DIP2C: variants seen among roughly 807,000 people sequenced by gnomAD.
The protein encoded by DIP2C is disco-interacting protein 2 homolog C.
In DIP2C, 33 loss-of-function variants were observed where a neutral mutation model predicts 192.4. That is an observed-to-expected ratio of 0.17 (90% CI 0.13 to 0.23). The LOEUF (loss-of-function observed/expected upper bound fraction) is 0.23, where lower values mean the gene tolerates loss of function less well. Ranked by LOEUF, DIP2C falls within the 10% of genes least tolerant of loss-of-function variation. The pLI is 1.00. For synonymous variants in DIP2C, 979 were observed against 864.1 expected (o/e 1.13, Z -2.33); for missense variants, 1,537 against 2,110.1 (o/e 0.73, Z 5.32).
intron 26 of DIP2C, 24 bp from the exon 27 acceptor site, chr10:345,134 A>G: frequency 1.3e-6 from 2 of 1,598,500 alleles, no homozygotes; most frequent in Non-Finnish European, 1.7e-6. Flanking sequence ...GCGAGAATGG[A>G]GCCATGAACG....
chr10:471,247 G>A (rs997745189), intron 3 of DIP2C, among the ~76,000 whole-genome samples: 2 of 152,188 alleles, frequency 1.3e-5, no homozygotes, highest in African/African-American at 2.4e-5. Flanking sequence ...CTTTTGCATG[G>A]GTGACACTCT....
chr10:281,424 A>C (rs1207195746), intron 35 of DIP2C, 101 bp from the exon 36 acceptor site: 1 of 1,448,256 alleles, frequency 6.9e-7, no homozygotes, highest in Non-Finnish European at 9.1e-7. Flanking sequence ...CAAGTGAGAC[A>C]GGGATGCAAA....
At chr10:349,141 A>T (rs1038460796) in intron 25 of DIP2C, among the ~76,000 whole-genome samples, 190 bp downstream of exon 25, 4 of 152,276 alleles carry the variant, frequency 2.6e-5, no homozygotes, top group Admixed American at 6.5e-5. Flanking sequence ...TCACAGTAGC[A>T]CATGCGGCTG....
At chr10:500,479 C>T (rs980538204) in intron 1 of DIP2C, among the ~76,000 whole-genome samples, 4 of 152,252 alleles carry the variant, frequency 2.6e-5, no homozygotes, top group African/African-American at 9.6e-5. Context: ...CTAGGTTTTA[C>T]ACGAGAATTT....
Position 678,677 on chromosome 10 carries a change from A to G in DIP2C, c.85+10817T>C, listed in dbSNP as rs544331418. 1.1e-3 allele frequency among the ~76,000 whole-genome samples: 7 copies of G among 6,534 alleles called. 1 individual carries two copies. The highest frequency in any genetic ancestry group is 3.5e-3 in the Admixed American group (1 of 288). 4.3% of individuals were successfully genotyped at this position (6,534 alleles called of 152,430 possible). A position where few individuals can be genotyped will look rare whatever the true frequency, so the allele number is the denominator to read the frequency against. On this transcript the variant is annotated intron_variant, in intron 1 of 36. Transcript: ENST00000280886. ...CTGTCCTCCCTGTGCCCAGCTCCCC[A>G]CGCCCATGCTCCCCACACCCGTTCT...
intron 2 of DIP2C, 92 bp downstream of exon 2, chr10:486,367 G>A: frequency 1.6e-6 from 2 of 1,269,702 alleles, no homozygotes; most frequent in Non-Finnish European, 2.2e-6. Context: ...TGCCGACTGG[G>A]AAGCAAGGGA....
chr10:606,467 A>G (rs1852486042), intron 1 of DIP2C, among the ~76,000 whole-genome samples: 2 of 151,422 alleles, frequency 1.3e-5, no homozygotes, highest in South Asian at 2.1e-4. Context: ...CGCTGCGGTA[A>G]TTACCTGCTG....
intron 1 of DIP2C, among the ~76,000 whole-genome samples, chr10:536,457 ATC>A (rs1318252338): frequency 6.6e-6 from 1 of 151,744 alleles, no homozygotes; most frequent in Non-Finnish European, 1.5e-5. Flanking sequence ...CTAGAGTTGT[ATC>A]TATCTGCAAA....
chr10:278,962 T>C (rs1470055210), intron 36 of DIP2C, among the ~76,000 whole-genome samples: 1 of 152,158 alleles, frequency 6.6e-6, no homozygotes, highest in East Asian at 1.9e-4. Context: ...ACATGTTCTA[T>C]CCCAGCTTGA....
intron 29 of DIP2C, chr10:340,987 T>C (rs144090483): frequency 2.9e-4 from 204 of 697,464 alleles, no homozygotes; most frequent in African/African-American, 2.8e-3. Context: ...AAATGCTCCT[T>C]CCCTGCTGCA....
At chr10:616,032 T>C (rs1853450531) in intron 1 of DIP2C, among the ~76,000 whole-genome samples, 1 of 152,176 alleles carries the variant, frequency 6.6e-6, no homozygotes, top group Non-Finnish European at 1.5e-5. Context: ...TTTTGTTTTA[T>C]CCTGAAGACG....
chr10:600,577 G>GGATGCTCCGGAGCC (rs1852003046), intron 1 of DIP2C, among the ~76,000 whole-genome samples: 2 of 140,502 alleles, frequency 1.4e-5, no homozygotes, highest in Admixed American at 1.4e-4. Flanking sequence ...GCTCCCGTGC[G>GGATGCTCCGGAGCC]ACCCCACAGC....
At chr10:431,449 T>C (rs1358426560) in intron 4 of DIP2C, among the ~76,000 whole-genome samples, 4 of 152,290 alleles carry the variant, frequency 2.6e-5, no homozygotes, top group Non-Finnish European at 5.9e-5. Context: ...GGAAATTTTT[T>C]TTTAAATTAT....
chr10:352,154 T>C (rs1958843880), intron 24 of DIP2C, among the ~76,000 whole-genome samples: 1 of 152,256 alleles, frequency 6.6e-6, no homozygotes, highest in Non-Finnish European at 1.5e-5. Context: ...TGAAGCTGAT[T>C]TCCTATCAAA....
At chr10:390,946 C>T in intron 10 of DIP2C, 83 bp from the exon 11 acceptor site, 6 of 1,560,732 alleles carry the variant, frequency 3.8e-6, no homozygotes, top group Non-Finnish European at 5.2e-6. Context: ...AGCGTTCACA[C>T]AGACCCTCGA....
chr10:375,655 AT>A lies in DIP2C; in HGVS notation c.1992-6023del, dbSNP rs1226235646. ...ATAACACCTTGAAGTAGCAGCTCCT[AT>A]AAATTTCATGAACACATCTGCAGTT... On this transcript the variant is annotated intron_variant, in intron 17 of 36. Coordinates refer to ENST00000280886, the MANE Select transcript of DIP2C (RefSeq NM_014974.3). 1.8e-4 allele frequency among the ~76,000 whole-genome samples: 28 copies of A among 152,282 alleles called. No individual in the cohort carries two copies. The South Asian group carries it at 5.8e-3, about 32-fold the overall frequency.
intron 17 of DIP2C, among the ~76,000 whole-genome samples, chr10:370,253 G>A (rs1022694657): frequency 2.0e-5 from 3 of 152,222 alleles, no homozygotes; most frequent in Non-Finnish European, 2.9e-5. Context: ...AGGAGAAGAC[G>A]GGTCCGCATA....
chr10:311,721 CAA>C (rs539684921), intron 31 of DIP2C, among the ~76,000 whole-genome samples: 121 of 152,114 alleles, frequency 8.0e-4, no homozygotes, highest in African/African-American at 2.9e-3. Context: ...AAGCAGGAAA[CAA>C]AATGAAAAGA....
chr10:563,156 G>T (rs1435416394), intron 1 of DIP2C, among the ~76,000 whole-genome samples: 1 of 152,192 alleles, frequency 6.6e-6, no homozygotes, highest in Non-Finnish European at 1.5e-5. Context: ...ATCCCCCTCA[G>T]GGCTAGTGGG....
Sources: gnomAD v4.1 joint callset for allele counts (sites outside exome capture counted in the v4.1 genomes callset) on GRCh38, gnomAD v4.1.1 for gene constraint, MANE v1.5 for transcripts, NCBI Gene and HGNC (gene_info 2026-07-23, HGNC 2026-07-21) for gene names.